PACRG: variants seen among roughly 807,000 people sequenced by gnomAD.
PACRG encodes the protein parkin coregulated, also known as parkin coregulated gene protein.
Under a neutral mutation model 29.7 loss-of-function variants are expected in PACRG, and 29 were observed. The ratio of observed to expected loss-of-function variants is 0.98; its 90% CI spans 0.73 to 1.33. The LOEUF is 1.33. PACRG is among the 40% of genes most tolerant of loss of function. The pLI, the probability that PACRG is intolerant of heterozygous loss-of-function variation, is 0.00. For missense variants in PACRG, 279 were observed against 316.2 expected (o/e 0.88, Z 0.89); for synonymous variants, 116 against 118.7 (o/e 0.98, Z 0.15).
At chr6:162,945,664 A>T (rs1798949633) in intron 2 of PACRG, among the ~76,000 whole-genome samples, 1 of 152,168 alleles carries the variant, frequency 6.6e-6, no homozygotes, top group South Asian at 2.1e-4. Context: ...TGGTATTTAT[A>T]GAATATTTGA....
At chr6:163,153,185 T>G (rs1433737187) in intron 4 of PACRG, among the ~76,000 whole-genome samples, 1 of 152,228 alleles carries the variant, frequency 6.6e-6, no homozygotes. Flanking sequence ...AACTTATCCT[T>G]TAAGCATAAA....
At chr6:162,816,641 C>T (rs1787375270) in intron 2 of PACRG, among the ~76,000 whole-genome samples, 2 of 152,138 alleles carry the variant, frequency 1.3e-5, no homozygotes, top group African/African-American at 4.8e-5. Context: ...CGTGAGCCAC[C>T]GCGCCCAGCC....
At chr6:163,103,800 G>A (rs999455619) in intron 4 of PACRG, among the ~76,000 whole-genome samples, 8 of 152,144 alleles carry the variant, frequency 5.3e-5, no homozygotes, top group Non-Finnish European at 8.8e-5. Context: ...TGAAGGTAGC[G>A]CAGCTCGACA....
intron 4 of PACRG, among the ~76,000 whole-genome samples, chr6:163,097,179 C>T (rs1199692369): frequency 1.3e-5 from 2 of 152,158 alleles, no homozygotes; most frequent in African/African-American, 4.8e-5. Flanking sequence ...TTCGATTGGC[C>T]CTTATATTTG....
At chr6:163,035,171 T>C (rs1205258642) in intron 2 of PACRG, among the ~76,000 whole-genome samples, 1 of 152,176 alleles carries the variant, frequency 6.6e-6, no homozygotes, top group Non-Finnish European at 1.5e-5. Flanking sequence ...GCAAGGTGTT[T>C]ATGACCTGTA....
At chr6:162,908,684 A>G (rs1453008996) in intron 2 of PACRG, among the ~76,000 whole-genome samples, 1 of 152,194 alleles carries the variant, frequency 6.6e-6, no homozygotes, top group Admixed American at 6.5e-5. Flanking sequence ...AGTTTTGATT[A>G]GCCAGTCTTG....
intron 4 of PACRG, among the ~76,000 whole-genome samples, chr6:163,261,584 G>A (rs1273722130): frequency 2.0e-5 from 3 of 152,202 alleles, no homozygotes; most frequent in African/African-American, 4.8e-5. Flanking sequence ...CAGTGCTTAT[G>A]CTGTGCTGAG....
chr6:163,043,460 G>A lies in PACRG; in HGVS notation c.292-18690G>A, dbSNP rs369587295. ...TCAACTACTTGGGGGGCTGAGGCAG[G>A]AGAACTGCTTGAACCCAGGAGGCGG... On this transcript the variant is annotated intron_variant, in intron 2 of 4. Transcript: ENST00000366888. Among the ~76,000 whole-genome samples the A allele has an allele frequency of 5.3e-5, 8 of 152,098 alleles. No homozygotes were observed. The East Asian group carries it at 1.5e-3, about 29-fold the overall frequency.
intron 1 of PACRG, among the ~76,000 whole-genome samples, chr6:162,741,076 CT>C (rs1166110587): frequency 2.0e-5 from 3 of 151,988 alleles, no homozygotes; most frequent in Non-Finnish European, 4.4e-5. Flanking sequence ...TCCTTATATT[CT>C]TTTACATTAT....
intron 2 of PACRG, among the ~76,000 whole-genome samples, chr6:162,913,749 G>C (rs1384503925): frequency 6.6e-6 from 1 of 152,030 alleles, no homozygotes; most frequent in Non-Finnish European, 1.5e-5. Context: ...TTTAATTTCA[G>C]CCAGTCTAAT....
At chr6:163,100,828 G>A in intron 4 of PACRG, 1 of 984,924 alleles carries the variant, frequency 1.0e-6, no homozygotes, top group Non-Finnish European at 1.2e-6. Context: ...AAATGCAATG[G>A]ACATATTCTC....
intron 1 of PACRG, among the ~76,000 whole-genome samples, chr6:162,776,852 C>T (rs1783682137): frequency 6.6e-6 from 1 of 152,184 alleles, no homozygotes; most frequent in South Asian, 2.1e-4. Flanking sequence ...TCTCCTGTGT[C>T]TCCCTAAGCC....
Position 162,946,708 on chromosome 6 carries a change from C to T in PACRG, c.292-115442C>T, listed in dbSNP as rs761409167. Reference sequence around the variant, plus strand: ...AAAAGAAAACTACAGACCGGATGAACATAGACACAAAAATCCCCAACAAAA... The same window carrying T: ...AAAAGAAAACTACAGACCGGATGAATATAGACACAAAAATCCCCAACAAAA... On this transcript the variant is annotated intron_variant, in intron 2 of 4. Coordinates refer to ENST00000366888, the MANE Select transcript of PACRG (RefSeq NM_001080379.2). 9.9e-5 allele frequency among the ~76,000 whole-genome samples: 15 copies of T among 152,126 alleles called. No homozygotes were observed. In the South Asian group the frequency reaches 2.3e-3, roughly 23 times the overall value.
intron 4 of PACRG, among the ~76,000 whole-genome samples, chr6:163,163,545 T>C (rs1778657800): frequency 6.6e-6 from 1 of 152,232 alleles, no homozygotes; most frequent in South Asian, 2.1e-4. Flanking sequence ...GTGCTGGGAT[T>C]ACAGGCGTGA....
chr6:162,733,254 A>T (rs1319954636), intron 1 of PACRG, among the ~76,000 whole-genome samples: 1 of 152,182 alleles, frequency 6.6e-6, no homozygotes, highest in Admixed American at 6.5e-5. Flanking sequence ...ATAGAAAGTT[A>T]TCCTTTATTC....
intron 4 of PACRG, among the ~76,000 whole-genome samples, chr6:163,292,541 C>T (rs759761648): frequency 6.6e-6 from 1 of 152,048 alleles, no homozygotes; most frequent in East Asian, 1.9e-4. Flanking sequence ...GCTGGGATTA[C>T]AGGCATCTGC....
chr6:163,199,703 A>C (rs1780620515), intron 4 of PACRG, among the ~76,000 whole-genome samples: 1 of 152,140 alleles, frequency 6.6e-6, no homozygotes, highest in South Asian at 2.1e-4. Flanking sequence ...CTCCACTGAG[A>C]AGGATGCCTG....
intron 4 of PACRG, among the ~76,000 whole-genome samples, chr6:163,307,111 G>A (rs1171773143): frequency 1.3e-5 from 2 of 152,182 alleles, no homozygotes; most frequent in African/African-American, 4.8e-5. Context: ...AATCTACTTT[G>A]CAGTTGGACA....
At chr6:162,868,518 C>T (rs1318787612) in intron 2 of PACRG, among the ~76,000 whole-genome samples, 1 of 152,124 alleles carries the variant, frequency 6.6e-6, no homozygotes. Flanking sequence ...GAGTTGTTCT[C>T]CCCTGAGGAA....
Sources: gnomAD v4.1 joint callset for allele counts (sites outside exome capture counted in the v4.1 genomes callset) on GRCh38, gnomAD v4.1.1 for gene constraint, MANE v1.5 for transcripts, NCBI Gene and HGNC (gene_info 2026-07-23, HGNC 2026-07-21) for gene names.